CSMD1: variants seen among roughly 807,000 people sequenced by gnomAD.
CSMD1 encodes CUB and sushi domain-containing protein 1.
Under a neutral mutation model 417.5 loss-of-function variants are expected in CSMD1, and 213 were observed. That is an observed-to-expected ratio of 0.51 (90% confidence interval 0.46 to 0.57). The LOEUF is 0.57. CSMD1 is among the 20% of genes least tolerant of loss of function. CSMD1 has a pLI of 0.00. For missense variants in CSMD1, 6,923 were observed against 4,529.7 expected (o/e 1.53, Z -15.17); for synonymous variants, 2,862 against 1,736.8 (o/e 1.65, Z -16.11).
chr8:3,832,984 CTG>C (rs1476170654), intron 5 of CSMD1, among the ~76,000 whole-genome samples: 1 of 152,048 alleles, frequency 6.6e-6, no homozygotes, highest in Admixed American at 6.6e-5. Context: ...AATATAGACA[CTG>C]TTTTCTTTTT....
intron 1 of CSMD1, among the ~76,000 whole-genome samples, chr8:4,858,819 T>C (rs1414454901): frequency 6.9e-6 from 1 of 145,016 alleles, no homozygotes; most frequent in Non-Finnish European, 1.5e-5. Context: ...AGAATCAATA[T>C]CGTGAAAATG....
chr8:4,507,874 T>C (rs1802609061), intron 2 of CSMD1, among the ~76,000 whole-genome samples: 1 of 152,150 alleles, frequency 6.6e-6, no homozygotes, highest in African/African-American at 2.4e-5. Flanking sequence ...TCAATTTCAG[T>C]TTAACATCTT....
At position 4,623,170 on chromosome 8, in the gene CSMD1, G is replaced by C. The variant is rs1254612377; in HGVS notation, c.302+14172C>G. 2.0e-5 allele frequency among the ~76,000 whole-genome samples: 3 copies of C among 152,216 alleles called. No homozygotes were observed. In the East Asian group the frequency reaches 5.8e-4, roughly 29 times the overall value. Reference sequence around the variant, plus strand: ...AAGGGAAGACAAAAGTTGCAGTGAAGATGCGCAAAATATTTTAACAGATAC... The same window carrying C: ...AAGGGAAGACAAAAGTTGCAGTGAACATGCGCAAAATATTTTAACAGATAC... On this transcript the variant is annotated intron_variant, in intron 2 of 69. Transcript: ENST00000635120.
At chr8:4,129,521 A>G (rs897913029) in intron 3 of CSMD1, among the ~76,000 whole-genome samples, 26 of 152,208 alleles carry the variant, frequency 1.7e-4, no homozygotes, top group African/African-American at 6.3e-4. Flanking sequence ...TTGCCAGGGC[A>G]TAGGAATCCG....
At chr8:3,349,818 TATA>T (rs1276834434) in intron 21 of CSMD1, among the ~76,000 whole-genome samples, 68 of 143,538 alleles carry the variant, frequency 4.7e-4, no homozygotes, top group Non-Finnish European at 7.1e-4. Context: ...TAAATATACA[TATA>T]AAATATATAT....
At position 3,493,660 on chromosome 8, in the gene CSMD1, C is replaced by A. The variant is rs1351289827; in HGVS notation, c.1411G>T (p.Ala471Ser). 11 of 1,612,162 alleles carry A rather than the reference C, an allele frequency of 6.8e-6. No individual in the cohort carries two copies. The East Asian group carries it at 1.1e-4, about 16-fold the overall frequency. The change falls in exon 11 of 70, where the codon GCT (alanine) becomes TCT (serine). Residue 471 changes from alanine to serine, a missense_variant. Physicochemically the swap from Ala to Ser is moderately conservative, Grantham distance 99. Transcript: ENST00000635120. Reference protein sequence around the residue: ...RGYDTLTVGDAGKVGDTRSVL... With the variant: ...RGYDTLTVGDSGKVGDTRSVL... Reference sequence around the variant, plus strand: ...GATCTGGTGTCTCCCACCTTCCCAGCATCACCAACCGTCAGGGTGTCATAG... The same window carrying A: ...GATCTGGTGTCTCCCACCTTCCCAGAATCACCAACCGTCAGGGTGTCATAG...
chr8:4,255,413 A>G (rs1250037954), intron 3 of CSMD1, among the ~76,000 whole-genome samples: 3 of 152,238 alleles, frequency 2.0e-5, no homozygotes, highest in Non-Finnish European at 4.4e-5. Flanking sequence ...ATATGCAAAC[A>G]GTAAAAATTG....
At chr8:3,127,159 T>G (rs773866410) in intron 41 of CSMD1, among the ~76,000 whole-genome samples, 1 of 152,178 alleles carries the variant, frequency 6.6e-6, no homozygotes, top group Non-Finnish European at 1.5e-5. Context: ...TTCTGTCTCG[T>G]ACATGGTTGC....
chr8:4,160,946 A>C (rs1797122514), intron 3 of CSMD1, among the ~76,000 whole-genome samples: 2 of 152,178 alleles, frequency 1.3e-5, no homozygotes, highest in Admixed American at 1.3e-4. Flanking sequence ...ATACCTCATC[A>C]GATGTATTTA....
In CSMD1 at chr8:4,924,722, C is replaced by CAAAAA. The variant is rs60827201; in HGVS notation, c.85+69605_85+69609dup. Among the ~76,000 whole-genome samples the CAAAAA allele has an allele frequency of 1.7e-3, 108 of 62,418 alleles. 1 individual carries two copies. Among genetic ancestry groups the CAAAAA allele is most frequent in the South Asian group, 6.2e-3 (7 of 1,130 alleles). The allele number at this position is 62,418 out of a possible 152,430, so 40.9% of individuals were successfully genotyped here. ...GGGAGACAAGAATGAAACTCCATCT[C>CAAAAA]AAAAAAAAAAAAAAAAAAAAAAACC... On this transcript the variant is annotated intron_variant, in intron 1 of 69. Coordinates refer to ENST00000635120, the MANE Select transcript of CSMD1 (RefSeq NM_033225.6).
chr8:3,432,873 C>T (rs1814307114), intron 12 of CSMD1, among the ~76,000 whole-genome samples: 1 of 152,068 alleles, frequency 6.6e-6, no homozygotes, highest in Non-Finnish European at 1.5e-5. Context: ...TAAATATAGT[C>T]ATCAGAGTAA....
chr8:3,168,154 G>A (rs536446041), intron 37 of CSMD1, among the ~76,000 whole-genome samples: 36 of 152,088 alleles, frequency 2.4e-4, no homozygotes, highest in African/African-American at 8.0e-4. Context: ...ATTAATAGAG[G>A]AGTAGCATGA....
chr8:3,769,391 G>A (rs764087035), intron 5 of CSMD1, among the ~76,000 whole-genome samples: 4 of 149,892 alleles, frequency 2.7e-5, no homozygotes, highest in African/African-American at 4.8e-5. Context: ...ATGTTAAAAA[G>A]CATTCAATGA....
intron 2 of CSMD1, among the ~76,000 whole-genome samples, chr8:4,504,854 T>TGATAAAAACCTGGTGGCTTTA: frequency 6.6e-6 from 1 of 152,210 alleles, no homozygotes; most frequent in Non-Finnish European, 1.5e-5. Context: ...GATATATATG[T>TGATAAAAACCTGGTGGCTTTA]GCCATATTTT....
intron 26 of CSMD1, among the ~76,000 whole-genome samples, chr8:3,244,008 C>A (rs770290415): frequency 3.9e-5 from 6 of 152,072 alleles, no homozygotes; most frequent in Non-Finnish European, 8.8e-5. Flanking sequence ...AACATCCCTG[C>A]GTACCTCGAT....
intron 23 of CSMD1, among the ~76,000 whole-genome samples, chr8:3,317,836 G>C (rs530775709): frequency 6.6e-6 from 1 of 152,298 alleles, no homozygotes; most frequent in Non-Finnish European, 1.5e-5. Context: ...TTTGAGACAA[G>C]GTCTTGCTCT....
chr8:4,433,757 G>C (rs753218072), intron 2 of CSMD1, among the ~76,000 whole-genome samples: 1 of 151,994 alleles, frequency 6.6e-6, no homozygotes, highest in Admixed American at 6.6e-5. Flanking sequence ...ACACCTTTAT[G>C]AATTTATAGA....
chr8:4,054,955 A>C (rs1798615713), intron 3 of CSMD1, among the ~76,000 whole-genome samples: 1 of 152,184 alleles, frequency 6.6e-6, no homozygotes, highest in Non-Finnish European at 1.5e-5. Flanking sequence ...GAGACATCAA[A>C]AGTTTTCACT....
In CSMD1 at chr8:3,154,831, C is replaced by T. The variant is rs539731834; in HGVS notation, c.5914+3066G>A. Among the ~76,000 whole-genome samples the T allele has an allele frequency of 2.0e-5, 3 of 152,254 alleles. No homozygotes were observed. The East Asian group carries it at 5.8e-4, about 29-fold the overall frequency. ...GTACTTTTATTTTTCAAAATTAGGT[C>T]ATGGGATTTCCAGGAGCTCTTAAGT... On this transcript the variant is annotated intron_variant, in intron 39 of 69. Coordinates refer to ENST00000635120, the MANE Select transcript of CSMD1 (RefSeq NM_033225.6).
Sources: gnomAD v4.1 joint callset for allele counts (sites outside exome capture counted in the v4.1 genomes callset) on GRCh38, gnomAD v4.1.1 for gene constraint, MANE v1.5 for transcripts, NCBI Gene and HGNC (gene_info 2026-07-23, HGNC 2026-07-21) for gene names.